Variants in DOT1L observed in about 807,000 individuals in gnomAD.
The protein encoded by DOT1L is DOT1 like histone lysine methyltransferase.
A neutral mutation model predicts 153.3 loss-of-function variants in DOT1L; 33 were observed. That is an observed-to-expected ratio of 0.22 (90% CI 0.16 to 0.29). The LOEUF (loss-of-function observed/expected upper bound fraction) is 0.29. DOT1L is among the 10% of genes least tolerant of loss of function. The probability of loss-of-function intolerance (pLI) is 1.00; values close to 1 mark genes in which losing one functional copy is unlikely to be tolerated. For missense variants in DOT1L, 1,847 were observed against 2,119.9 expected (o/e 0.87, Z 2.53); for synonymous variants, 1,135 against 965.1 (o/e 1.18, Z -3.26).
At chr19:2,201,288 C>T (rs1253509072) in intron 8 of DOT1L, among the ~76,000 whole-genome samples, 2 of 150,948 alleles carry the variant, frequency 1.3e-5, no homozygotes, top group African/African-American at 2.4e-5. Flanking sequence ...TCCCCATGCC[C>T]GTCATCCTCC....
chr19:2,211,637 C>T, intron 15 of DOT1L, 114 bp from the exon 16 acceptor site: 1 of 895,072 alleles, frequency 1.1e-6, no homozygotes, highest in Non-Finnish European at 1.7e-6. Flanking sequence ...GCTCCTGCCT[C>T]ATGAGTGCCT....
intron 2 of DOT1L, among the ~76,000 whole-genome samples, chr19:2,184,026 G>A (rs750688539): frequency 1.1e-4 from 16 of 152,154 alleles, no homozygotes; most frequent in Admixed American, 7.9e-4. Context: ...GAGCTCTGGC[G>A]GTGTCCGCGC....
chr19:2,180,144 C>T (rs1399945477), intron 1 of DOT1L, among the ~76,000 whole-genome samples: 2 of 152,128 alleles, frequency 1.3e-5, no homozygotes, highest in Non-Finnish European at 2.9e-5. Context: ...GCGAGGCCGC[C>T]CACGTGGGCT....
rs753135719 is a variant in DOT1L, at chr19:2,216,389, G to T, written c.2032G>T (p.Ala678Ser). The change falls in exon 20 of 28, where the codon GCC becomes TCC. Residue 678 changes from alanine (A) to serine (S), a missense_variant. By Grantham distance (99) the Ala-to-Ser change is moderately conservative. This residue lies in a region of DOT1L where 281 missense variants were observed against 263.6 expected (regional missense o/e 1.07). Transcript: ENST00000398665. ...GTCCCTGCACCTGCGTGGGAAGGGC[G>T]CCCTGGGCCGCGAGCTGGAGCCTGA... ...ALSLHLRGKG[A>S]LGRELEPDAS... The T allele has an allele frequency of 3.1e-6, 5 of 1,612,288 alleles. No individual in the cohort carries two copies. The South Asian group carries it at 5.5e-5, about 18-fold the overall frequency.
Position 2,215,022 on chromosome 19 carries a change from C to T in DOT1L, c.1923+426C>T, listed in dbSNP as rs147677706. Among the ~76,000 whole-genome samples the T allele has an allele frequency of 7.2e-4, 110 of 152,226 alleles. 3 individuals are homozygous for T. In the East Asian group the frequency reaches 0.02, roughly 27 times the overall value. ...CCTGAGGCTAGGAGTTGGAGAACAG[C>T]CTGGCCAACACAGTGGGACTCTGTC... On this transcript the variant is annotated intron_variant, in intron 19 of 27. Transcript: ENST00000398665.
chr19:2,169,803 T>A (rs1244179309), intron 1 of DOT1L, among the ~76,000 whole-genome samples: 1 of 152,184 alleles, frequency 6.6e-6, no homozygotes, highest in Non-Finnish European at 1.5e-5. Flanking sequence ...TCCAGTTCCT[T>A]TCCTTTAGCT....
Position 2,220,762 on chromosome 19 carries a change from G to A in DOT1L, c.2806+540G>A, listed in dbSNP as rs1023987913. 25 of 348,558 alleles carry A rather than the reference G, an allele frequency of 7.2e-5. No individual in the cohort carries two copies. The highest frequency in any genetic ancestry group is 1.4e-4 in the Non-Finnish European group (24 of 175,212). The allele number at this position is 348,558 out of a possible 1,614,324, so 21.6% of individuals were successfully genotyped here. A position where few individuals can be genotyped will look rare whatever the true frequency, so the allele number is the denominator to read the frequency against. On this transcript the variant is annotated intron_variant, in intron 23 of 27. Coordinates refer to ENST00000398665, the MANE Select transcript of DOT1L (RefSeq NM_032482.3). This position sits in a 1 kb window ranked among gnomAD's most constrained non-coding sequence, Gnocchi z 4.5. ...AGCCGCAGAGACAGCATGTCAGCGG[G>A]CATGGCTGTGTGCCAGCAAAACTGT... is the stretch of plus-strand genomic sequence containing the variant.
chr19:2,195,316 C>G (rs1387722493), intron 7 of DOT1L, among the ~76,000 whole-genome samples: 1 of 152,156 alleles, frequency 6.6e-6, no homozygotes, highest in Non-Finnish European at 1.5e-5. Flanking sequence ...TGGTCCTTTC[C>G]ACACAGAGGC....
chr19:2,224,991 A>C (rs1192110065), intron 25 of DOT1L, among the ~76,000 whole-genome samples: 1 of 152,068 alleles, frequency 6.6e-6, no homozygotes, highest in Admixed American at 6.5e-5. Flanking sequence ...GCTGGCCTGC[A>C]ATGCTGTGGC....
chr19:2,226,074 C>G (rs1052598815), intron 26 of DOT1L, 109 bp from the exon 27 acceptor site: 3 of 1,258,848 alleles, frequency 2.4e-6, no homozygotes, highest in Admixed American at 6.0e-5. Context: ...TGTCTGTGAC[C>G]AGCCCTGCCT....
At chr19:2,184,037 G>A (rs910853907) in intron 2 of DOT1L, among the ~76,000 whole-genome samples, 3 of 152,204 alleles carry the variant, frequency 2.0e-5, no homozygotes, top group South Asian at 2.1e-4. Flanking sequence ...GTGTCCGCGC[G>A]TATTCCTCAG....
At chr19:2,195,301 C>T (rs1050343240) in intron 7 of DOT1L, among the ~76,000 whole-genome samples, 3 of 152,138 alleles carry the variant, frequency 2.0e-5, no homozygotes, top group East Asian at 1.9e-4. Flanking sequence ...CACCAGGCTC[C>T]GCCCTGGTCC....
rs1253818477 is a variant in DOT1L, at chr19:2,194,647, C to T, written c.651+70C>T. On this transcript the variant is annotated intron_variant, in intron 7 of 27. Coordinates refer to ENST00000398665, the MANE Select transcript of DOT1L (RefSeq NM_032482.3). ...CCCGCTCCCACCCTCCTGTCAGCCC[C>T]TCCTTTCTTGCCGATGTTGGCACAT... 2.8e-6 allele frequency: 3 copies of T among 1,067,762 alleles called. No homozygotes were observed. In the Admixed American group the frequency reaches 6.9e-5, roughly 25 times the overall value. 66.1% of individuals were successfully genotyped at this position (1,067,762 alleles called of 1,614,324 possible).
In DOT1L at chr19:2,220,048, T is replaced by C; in HGVS notation, c.2692-60T>C. ...GGCCTCAACACTCACTGTTTCCAGCTGGGTTCTGGGTCTCCTGGGGCACCT... is the reference window on the plus strand; with the variant it reads ...GGCCTCAACACTCACTGTTTCCAGCCGGGTTCTGGGTCTCCTGGGGCACCT... On this transcript the variant is annotated intron_variant, in intron 22 of 27. Transcript: ENST00000398665. The surrounding 1 kb of genome is among the most constrained non-coding windows in gnomAD (Gnocchi z 4.5). 6.8e-7 allele frequency: 1 copy of C among 1,480,680 alleles called. No homozygotes were observed. The highest frequency in any genetic ancestry group is 1.3e-5 in the South Asian group (1 of 79,292). 91.7% of individuals were successfully genotyped at this position (1,480,680 alleles called of 1,614,324 possible).
Position 2,177,804 on chromosome 19 carries a change from C to G in DOT1L, c.82-2909C>G, listed in dbSNP as rs539229184. On this transcript the variant is annotated intron_variant, in intron 1 of 27. Transcript: ENST00000398665. ...TGAGCTGGAATCTCACTCTGCTGCCCAGATTGGAGTGCAGTGGTGCGACCT... is the reference window on the plus strand; with the variant it reads ...TGAGCTGGAATCTCACTCTGCTGCCGAGATTGGAGTGCAGTGGTGCGACCT... Among the ~76,000 whole-genome samples the G allele has an allele frequency of 1.5e-3, 229 of 152,178 alleles. 2 individuals are homozygous for G. The highest frequency in any genetic ancestry group is 5.6e-3 in the South Asian group (27 of 4,820).
At position 2,175,160 on chromosome 19, in the gene DOT1L, G is replaced by A. The variant is rs574794278; in HGVS notation, c.82-5553G>A. ...ACTACAGGCGCCCACCACCACGCCC[G>A]GTTAATTTTTTATATTTTTAGTAGA... On this transcript the variant is annotated intron_variant, in intron 1 of 27. Transcript: ENST00000398665. Among the ~76,000 whole-genome samples, 6 of 152,010 alleles carry A rather than the reference G, an allele frequency of 3.9e-5. No homozygotes were observed. The South Asian group carries it at 6.2e-4, about 16-fold the overall frequency.
In DOT1L at chr19:2,229,381, G is replaced by T. The variant is rs909388911; in HGVS notation, c.4607-404G>T. On this transcript the variant is annotated intron_variant, in intron 27 of 27. Transcript: ENST00000398665. Reference sequence around the variant, plus strand: ...CCTGGGCGAGTCCAAAGCCCACCGGGCAAGGAGAGGAGGACTGGGAGCCAG... The same window carrying T: ...CCTGGGCGAGTCCAAAGCCCACCGGTCAAGGAGAGGAGGACTGGGAGCCAG... 6.1e-6 allele frequency: 6 copies of T among 985,472 alleles called. No individual in the cohort carries two copies. The South Asian group carries it at 2.8e-4, about 46-fold the overall frequency. The allele number at this position is 985,472 out of a possible 1,614,324, so 61.0% of individuals were successfully genotyped here.
At chr19:2,194,321 C>G (rs1000211839) in intron 6 of DOT1L, among the ~76,000 whole-genome samples, 194 bp from the exon 7 acceptor site, 1 of 152,148 alleles carries the variant, frequency 6.6e-6, no homozygotes, top group African/African-American at 2.4e-5. Flanking sequence ...CAGGCGCCCC[C>G]CAACACACCC....
intron 22 of DOT1L, among the ~76,000 whole-genome samples, chr19:2,218,673 G>A (rs1377830928): frequency 4.6e-5 from 7 of 151,400 alleles, no homozygotes; most frequent in African/African-American, 9.7e-5. Context: ...GATTACAGGC[G>A]TGAGCCACGA....
Sources: allele counts gnomAD v4.1 joint callset (sites outside exome capture counted in the v4.1 genomes callset), GRCh38; gene constraint gnomAD v4.1.1; regional missense constraint gnomAD v4.1.1; non-coding constraint Gnocchi (gnomAD v3.1); transcripts MANE v1.5; gene names NCBI Gene and HGNC (gene_info 2026-07-23, HGNC 2026-07-21).